The following DNAL1 variants were observed in gnomAD, a reference collection of about 807,000 sequenced individuals.
DNAL1 encodes chromosome 14 open reading frame 168.
In DNAL1, 17 loss-of-function variants were observed where a neutral mutation model predicts 29.4. The ratio of observed to expected loss-of-function variants is 0.58; its 90% CI spans 0.40 to 0.87. The LOEUF (loss-of-function observed/expected upper bound fraction) is 0.87. DNAL1 is among the 40% of genes least tolerant of loss of function. The pLI, the probability that DNAL1 is intolerant of heterozygous loss-of-function variation, is 0.00. For synonymous variants in DNAL1, 78 were observed against 76.3 expected (o/e 1.02, Z -0.12); for missense variants, 188 against 214.1 (o/e 0.88, Z 0.76).
chr14:73,687,323 G>A lies in DNAL1; in HGVS notation c.329G>A (p.Gly110Glu). 1 of 1,612,976 alleles carries A rather than the reference G, an allele frequency of 6.2e-7. No homozygotes were observed. The highest frequency in any genetic ancestry group is 8.5e-7 in the Non-Finnish European group (1 of 1,179,458). ...TACAATTTTATTGAGAAGTTGAAAG[G>A]GATCCACATAATGAAGAAATTGAAG... ...ISYNFIEKLK[G>E]IHIMKKLKIL... Residue 110 changes from glycine (G) to glutamate (E), a missense_variant, in exon 6 of 8, where the codon GGG (glycine) becomes GAG (glutamate). By Grantham distance (98) the Gly-to-Glu change is moderately conservative. Transcript: ENST00000553645.
chr14:73,653,132 A>G (rs1891144226), intron 1 of DNAL1: 1 of 152,192 alleles, frequency 6.6e-6, no homozygotes, highest in African/African-American at 2.4e-5. Context: ...ATGCAAATAA[A>G]GGATTCAAAC....
At chr14:73,650,296 T>G (rs992772969) in intron 1 of DNAL1, among the ~76,000 whole-genome samples, 1 of 152,204 alleles carries the variant, frequency 6.6e-6, no homozygotes, top group African/African-American at 2.4e-5. Context: ...GCCATTGTTT[T>G]TACAATTTGT....
At chr14:73,671,351 G>A (rs1190039441) in intron 4 of DNAL1, among the ~76,000 whole-genome samples, 191 bp from the exon 5 acceptor site, 3 of 151,964 alleles carry the variant, frequency 2.0e-5, no homozygotes, top group Admixed American at 6.6e-5. Flanking sequence ...AATTATACCT[G>A]TACTGTTTAC....
intron 5 of DNAL1, among the ~76,000 whole-genome samples, chr14:73,678,559 G>A (rs1275043452): frequency 7.0e-6 from 1 of 143,062 alleles, no homozygotes; most frequent in Non-Finnish European, 1.5e-5. Context: ...TAGGCAGTGT[G>A]CCTGGAGTAG....
chr14:73,683,309 C>T (rs1440409002), intron 5 of DNAL1, among the ~76,000 whole-genome samples: 3 of 152,064 alleles, frequency 2.0e-5, no homozygotes, highest in East Asian at 3.8e-4. Context: ...ATGTGTTATG[C>T]GTGTGTATGG....
At chr14:73,664,868 AAAT>A (rs1891439813) in intron 4 of DNAL1, among the ~76,000 whole-genome samples, 1 of 152,106 alleles carries the variant, frequency 6.6e-6, no homozygotes, top group Non-Finnish European at 1.5e-5. Flanking sequence ...CTAAAAAAAA[AAAT>A]AAAAAAAAAT....
chr14:73,694,729 G>A (rs970391327), intron 7 of DNAL1, among the ~76,000 whole-genome samples: 3 of 148,260 alleles, frequency 2.0e-5, no homozygotes, highest in East Asian at 3.9e-4. Flanking sequence ...TTGCTCTGTC[G>A]CCCAGGCTGG....
intron 4 of DNAL1, among the ~76,000 whole-genome samples, chr14:73,667,348 C>T (rs142013114): frequency 0.017 from 2,517 of 152,014 alleles, 68 homozygotes; most frequent in African/African-American, 0.057. Flanking sequence ...GCCTATAATC[C>T]CAGCTACTTG....
At chr14:73,690,047 A>G (rs1224349671) in intron 7 of DNAL1, among the ~76,000 whole-genome samples, 2 of 127,442 alleles carry the variant, frequency 1.6e-5, no homozygotes, top group East Asian at 4.8e-4. Flanking sequence ...CAAAAAAAAA[A>G]AAAAGAAAAG....
chr14:73,645,186 C>A, intron 1 of DNAL1, 144 bp downstream of exon 1: 1 of 1,468,332 alleles, frequency 6.8e-7, no homozygotes, highest in Non-Finnish European at 9.3e-7. Context: ...GTCAGGGGCC[C>A]GAGGCGAAAG....
At chr14:73,677,888 GT>G (rs1292415208) in intron 5 of DNAL1, among the ~76,000 whole-genome samples, 1 of 89,756 alleles carries the variant, frequency 1.1e-5, no homozygotes, top group Non-Finnish European at 3.1e-5. Flanking sequence ...ATATATTTGT[GT>G]GTGTGTGTGT....
At chr14:73,678,938 C>T (rs1187982599) in intron 5 of DNAL1, among the ~76,000 whole-genome samples, 1 of 152,124 alleles carries the variant, frequency 6.6e-6, no homozygotes, top group Non-Finnish European at 1.5e-5. Flanking sequence ...CTGGTGATAG[C>T]TGTTACTTCT....
At chr14:73,682,435 C>T (rs1029285006) in intron 5 of DNAL1, among the ~76,000 whole-genome samples, 3 of 150,652 alleles carry the variant, frequency 2.0e-5, no homozygotes, top group African/African-American at 7.3e-5. Context: ...GTGATCTGCC[C>T]GCCTTGGCCT....
At chr14:73,693,650 G>T (rs1383706807) in intron 7 of DNAL1, among the ~76,000 whole-genome samples, 1 of 151,952 alleles carries the variant, frequency 6.6e-6, no homozygotes, top group Non-Finnish European at 1.5e-5. Flanking sequence ...GTTTGAGGCT[G>T]TAATGAGCTG....
chr14:73,660,021 G>A (rs2140032120), intron 3 of DNAL1, among the ~76,000 whole-genome samples: 1 of 152,222 alleles, frequency 6.6e-6, no homozygotes, highest in Non-Finnish European at 1.5e-5. Flanking sequence ...CTGCCTCCTG[G>A]GTTCAAGCAA....
intron 7 of DNAL1, among the ~76,000 whole-genome samples, chr14:73,690,579 GA>G (rs920561623): frequency 2.0e-5 from 3 of 151,662 alleles, no homozygotes; most frequent in African/African-American, 7.3e-5. Flanking sequence ...TTGAATCCGG[GA>G]GGCGGAGGTT....
chr14:73,656,547 C>T (rs781414750), intron 2 of DNAL1, among the ~76,000 whole-genome samples: 20 of 151,550 alleles, frequency 1.3e-4, no homozygotes, highest in Non-Finnish European at 2.4e-4. Context: ...ACCTGAGTAG[C>T]TGGGACTACA....
chr14:73,651,609 A>G (rs950239791), intron 1 of DNAL1, among the ~76,000 whole-genome samples: 3 of 152,176 alleles, frequency 2.0e-5, no homozygotes, highest in Non-Finnish European at 2.9e-5. Flanking sequence ...ATAGAAATGT[A>G]TGCCTTGTCT....
At chr14:73,654,047 C>T (rs1448640983) in intron 1 of DNAL1, among the ~76,000 whole-genome samples, 1 of 152,064 alleles carries the variant, frequency 6.6e-6, no homozygotes, top group Non-Finnish European at 1.5e-5. Context: ...TTATCCTCAT[C>T]CTTTGCAAAC....
Sources: gnomAD v4.1 joint callset for allele counts (sites outside exome capture counted in the v4.1 genomes callset) on GRCh38, gnomAD v4.1.1 for gene constraint, MANE v1.5 for transcripts, NCBI Gene and HGNC (gene_info 2026-07-23, HGNC 2026-07-21) for gene names.